FRMPD4: variants seen among roughly 807,000 people sequenced by gnomAD.
FRMPD4 encodes FERM and PDZ domain-containing protein 4.
FRMPD4 carries 22 observed loss-of-function variants against 94.1 expected under a neutral mutation model. The ratio of observed to expected loss-of-function variants is 0.23; its 90% confidence interval spans 0.17 to 0.33. The LOEUF (loss-of-function observed/expected upper bound fraction) is 0.33. FRMPD4 is among the 10% of genes least tolerant of loss of function. The probability of loss-of-function intolerance (pLI) is 1.00; values close to 1 mark genes in which losing one functional copy is unlikely to be tolerated. For synonymous variants in FRMPD4, 631 were observed against 548.6 expected, an observed-to-expected ratio of 1.15 and a Z score of -2.10; for missense variants, 1,111 against 1,339.9, an observed-to-expected ratio of 0.83 and a Z score of 2.67.
chrX:12,136,916 C>CACACACACAT (rs1267921991), upstream of FRMPD4, among the ~76,000 whole-genome samples: 2 of 108,225 alleles, frequency 1.8e-5, no homozygotes, highest in Middle Eastern at 4.8e-3. Flanking sequence ...CACACACACA[C>CACACACACAT]ACACACACAT....
At chrX:12,269,934 G>A (rs1451403833) in intron 1 of FRMPD4, among the ~76,000 whole-genome samples, 1 of 112,340 alleles carries the variant, frequency 8.9e-6, no homozygotes, top group African/African-American at 3.2e-5. Flanking sequence ...GGTTGGCATA[G>A]GTGAGGGGAG....
chrX:12,276,859 C>A (rs781364965), intron 1 of FRMPD4, among the ~76,000 whole-genome samples: 1 of 111,432 alleles, frequency 9.0e-6, no homozygotes, highest in Non-Finnish European at 1.9e-5. Flanking sequence ...CGGTGGCTCA[C>A]GCCTGTAATC....
chrX:12,342,122 A>G (rs183096603), intron 1 of FRMPD4, among the ~76,000 whole-genome samples: 2 of 112,301 alleles, frequency 1.8e-5, no homozygotes, highest in East Asian at 2.8e-4. Context: ...TATTCGTTCA[A>G]CAAACATTTA....
At chrX:11,999,257 G>C (rs1278301957) in intron 3 of FRMPD4, among the ~76,000 whole-genome samples, 2 of 111,445 alleles carry the variant, frequency 1.8e-5, no homozygotes, top group African/African-American at 6.5e-5. Context: ...GCACCCCTGA[G>C]AGTTGCCATA....
chrX:12,349,451 G>C (rs1246122763), intron 1 of FRMPD4, among the ~76,000 whole-genome samples: 1 of 110,324 alleles, frequency 9.1e-6, no homozygotes, highest in Non-Finnish European at 1.9e-5. Flanking sequence ...GCCTAGTCTT[G>C]AGTAGCCTAA....
chrX:12,330,200 G>C (rs1389863019), intron 1 of FRMPD4, among the ~76,000 whole-genome samples: 1 of 110,839 alleles, frequency 9.0e-6, no homozygotes, highest in East Asian at 2.8e-4. Context: ...TGTGACTTTG[G>C]ACACAGCACT....
intron 2 of FRMPD4, among the ~76,000 whole-genome samples, chrX:12,585,695 C>T (rs1406413365): frequency 8.9e-6 from 1 of 111,995 alleles, no homozygotes; most frequent in Non-Finnish European, 1.9e-5. Context: ...TCACTCTGGA[C>T]TTGCTCCGTC....
chrX:12,545,913 A>G (rs2058469781), intron 2 of FRMPD4, among the ~76,000 whole-genome samples: 1 of 111,990 alleles, frequency 8.9e-6, no homozygotes, highest in Non-Finnish European at 1.9e-5. Context: ...AAAAATGAAA[A>G]CTCTAATTAT....
At chrX:12,288,065 C>A (rs922823420) in intron 1 of FRMPD4, among the ~76,000 whole-genome samples, 8 of 111,837 alleles carry the variant, frequency 7.2e-5, no homozygotes, top group Non-Finnish European at 1.3e-4. Context: ...TTTCTCCTCA[C>A]TTAGCTCTTC....
At chrX:12,575,431 T>G (rs1389356381) in intron 2 of FRMPD4, among the ~76,000 whole-genome samples, 1 of 110,610 alleles carries the variant, frequency 9.0e-6, no homozygotes, top group Non-Finnish European at 1.9e-5. Flanking sequence ...TCAAGCCAAG[T>G]TAGAGCTTCA....
intron 3 of FRMPD4, among the ~76,000 whole-genome samples, chrX:11,977,930 G>T (rs993945024): frequency 7.2e-5 from 8 of 110,812 alleles, no homozygotes; most frequent in African/African-American, 2.6e-4. Flanking sequence ...TTTCTTATCA[G>T]ACTTAAATTC....
chrX:12,141,413 G>A (rs1231955935), intron 1 of FRMPD4, among the ~76,000 whole-genome samples: 2 of 112,216 alleles, frequency 1.8e-5, no homozygotes, highest in Non-Finnish European at 3.8e-5. Flanking sequence ...AGTAAAGACA[G>A]TGTAATTACA....
At chrX:12,131,557 T>TG (rs2042002136) in intron 3 of FRMPD4, among the ~76,000 whole-genome samples, 2 of 112,184 alleles carry the variant, frequency 1.8e-5, no homozygotes, top group Non-Finnish European at 3.8e-5. Flanking sequence ...GAAATCCTGG[T>TG]GCCTTTCTGT....
intron 3 of FRMPD4, among the ~76,000 whole-genome samples, chrX:12,084,291 T>C (rs1187817584): frequency 9.0e-6 from 1 of 110,918 alleles, no homozygotes; most frequent in African/African-American, 3.3e-5. Flanking sequence ...TTTTGCTTCT[T>C]CCTAATTTTT....
chrX:11,965,132 C>A (rs908644097), intron 3 of FRMPD4, among the ~76,000 whole-genome samples: 4 of 112,546 alleles, frequency 3.6e-5, no homozygotes, highest in South Asian at 3.7e-4. Flanking sequence ...TATCTTAATT[C>A]TCCTTTGCAA....
intron 2 of FRMPD4, among the ~76,000 whole-genome samples, chrX:12,556,962 T>C (rs1306907478): frequency 2.7e-5 from 3 of 111,916 alleles, no homozygotes; most frequent in African/African-American, 9.8e-5. Flanking sequence ...ACACCACCAT[T>C]CCTGGCTAAT....
intron 3 of FRMPD4, among the ~76,000 whole-genome samples, chrX:11,898,841 G>A (rs2147327340): frequency 8.9e-6 from 1 of 111,755 alleles, no homozygotes; most frequent in Non-Finnish European, 1.9e-5. Flanking sequence ...TGCTATGAGA[G>A]TCACAGAGAG....
intron 1 of FRMPD4, among the ~76,000 whole-genome samples, chrX:12,468,331 G>GA (rs2057471250): frequency 8.9e-6 from 1 of 112,102 alleles, no homozygotes; most frequent in Admixed American, 9.5e-5. Context: ...TTTTATAAGG[G>GA]AAGTATTTTT....
At chrX:11,931,380 G>A (rs1319093615) in intron 3 of FRMPD4, among the ~76,000 whole-genome samples, 4 of 112,246 alleles carry the variant, frequency 3.6e-5, no homozygotes, top group Non-Finnish European at 7.5e-5. Flanking sequence ...GTCTCCCACA[G>A]TTGTAGTCAG....
Sources: gnomAD v4.1 joint callset for allele counts (sites outside exome capture counted in the v4.1 genomes callset) on GRCh38, gnomAD v4.1.1 for gene constraint, MANE v1.5 for transcripts, NCBI Gene and HGNC (gene_info 2026-07-23, HGNC 2026-07-21) for gene names.